Variants in CTNND1 observed in about 807,000 individuals in gnomAD.
CTNND1 encodes catenin delta 1, also known as catenin delta-1.
Under a neutral mutation model 112.1 loss-of-function variants are expected in CTNND1, and 16 were observed. That is an observed-to-expected ratio of 0.14 (90% CI 0.10 to 0.22). The LOEUF (loss-of-function observed/expected upper bound fraction) is 0.22, where lower values mean the gene tolerates loss of function less well. CTNND1 is among the 10% of genes least tolerant of loss of function. CTNND1 has a pLI of 1.00. For synonymous variants in CTNND1, 420 were observed against 446.5 expected, an observed-to-expected ratio of 0.94 and a Z score of 0.75; for missense variants, 1,008 against 1,257.0, an observed-to-expected ratio of 0.80 and a Z score of 3.00.
intron 1 of CTNND1, among the ~76,000 whole-genome samples, chr11:57,778,979 T>G: frequency 6.6e-6 from 1 of 152,204 alleles, no homozygotes; most frequent in African/African-American, 2.4e-5. Flanking sequence ...GCACTTAAGT[T>G]ATATAAATGG....
chr11:57,807,866 T>G (rs1292580485), intron 12 of CTNND1, among the ~76,000 whole-genome samples: 2 of 152,112 alleles, frequency 1.3e-5, no homozygotes, highest in Non-Finnish European at 2.9e-5. Flanking sequence ...ATGGAGCCCC[T>G]GAGCGCTCAT....
intron 1 of CTNND1, among the ~76,000 whole-genome samples, chr11:57,767,308 G>C (rs187208926): frequency 6.6e-6 from 1 of 152,114 alleles, no homozygotes; most frequent in East Asian, 1.9e-4. Context: ...TAGGTAATTT[G>C]GTCATGACTT....
chr11:57,806,995 T>C lies in CTNND1; in HGVS notation c.1963+12T>C. On this transcript the variant is annotated intron_variant, in intron 12 of 20. Coordinates refer to ENST00000399050, the MANE Select transcript of CTNND1 (RefSeq NM_001085458.2). Reference sequence around the variant, plus strand: ...GAGTCCAGCTCGAGGTAAGTTATCTTCTCAGTCTCCAAAGGTCTCATAAAC... The same window carrying C: ...GAGTCCAGCTCGAGGTAAGTTATCTCCTCAGTCTCCAAAGGTCTCATAAAC... The C allele has an allele frequency of 6.3e-7, 1 of 1,583,914 alleles. No homozygotes were observed. The highest frequency in any genetic ancestry group is 1.2e-5 in the South Asian group (1 of 86,856).
At chr11:57,802,974 G>C (rs2137155936) in intron 7 of CTNND1, among the ~76,000 whole-genome samples, 1 of 152,286 alleles carries the variant, frequency 6.6e-6, no homozygotes, top group East Asian at 1.9e-4. Context: ...TAAAGGCCAG[G>C]GGTACTGGTA....
intron 2 of CTNND1, among the ~76,000 whole-genome samples, 197 bp downstream of exon 2, chr11:57,789,352 TA>T (rs550200304): frequency 6.6e-6 from 1 of 152,336 alleles, no homozygotes; most frequent in Non-Finnish European, 1.5e-5. Context: ...TGGACTGGCA[TA>T]AAGTCTTTCA....
rs534523814 is a variant in CTNND1, at chr11:57,771,141, T to C, written c.-214+9022T>C. 2.2e-4 allele frequency among the ~76,000 whole-genome samples: 33 copies of C among 152,270 alleles called. 1 individual carries two copies. Among genetic ancestry groups the C allele is most frequent in the African/African-American group, 7.5e-4 (31 of 41,540 alleles). On this transcript the variant is annotated intron_variant, in intron 1 of 20. Coordinates refer to ENST00000399050, the MANE Select transcript of CTNND1 (RefSeq NM_001085458.2). ...TAGAAAAAGAAAAGAAAGTTGTTTTTTTTTTCTAAAATTTAACTTTTTGTA... is the reference window on the plus strand; with the variant it reads ...TAGAAAAAGAAAAGAAAGTTGTTTTCTTTTTCTAAAATTTAACTTTTTGTA...
In CTNND1 at chr11:57,810,104, C is replaced by T; in HGVS notation, c.2436-5C>T. ...AATTCCGTATGGTGTTACTTTCCTC[C>T]AAAGGAACCGCTCAGAAAAAGAAGT... On this transcript the variant is annotated splice_region_variant and splice_polypyrimidine_tract_variant and intron_variant, in intron 15 of 20. Transcript: ENST00000399050. 6.2e-7 allele frequency: 1 copy of T among 1,603,698 alleles called. No homozygotes were observed. Among genetic ancestry groups the T allele is most frequent in the Non-Finnish European group, 8.5e-7 (1 of 1,175,980 alleles).
intron 4 of CTNND1, among the ~76,000 whole-genome samples, chr11:57,794,904 GTTCT>G (rs2061198056): frequency 1.4e-5 from 2 of 147,832 alleles, no homozygotes; most frequent in Non-Finnish European, 3.0e-5. Context: ...AAAAAACAAA[GTTCT>G]TTATTTTGGC....
chr11:57,766,998 G>A (rs1259180670), intron 1 of CTNND1, among the ~76,000 whole-genome samples: 1 of 150,386 alleles, frequency 6.6e-6, no homozygotes, highest in Non-Finnish European at 1.5e-5. Flanking sequence ...TTGAGATGGA[G>A]TCTTGCTCTG....
intron 1 of CTNND1, among the ~76,000 whole-genome samples, chr11:57,771,979 G>T (rs1351722522): frequency 1.3e-5 from 2 of 150,722 alleles, no homozygotes; most frequent in Non-Finnish European, 3.0e-5. Context: ...TCTCGGCAGT[G>T]TTAACAATCT....
chr11:57,764,781 T>C (rs1209595582), intron 1 of CTNND1, among the ~76,000 whole-genome samples: 1 of 152,140 alleles, frequency 6.6e-6, no homozygotes, highest in East Asian at 1.9e-4. Context: ...ACCACTAATA[T>C]ACTGCCATTC....
chr11:57,767,803 A>G (rs1025062016), intron 1 of CTNND1, among the ~76,000 whole-genome samples: 1 of 151,552 alleles, frequency 6.6e-6, no homozygotes, highest in African/African-American at 2.4e-5. Context: ...AAAGAACTCA[A>G]ATTTCGTTTG....
In CTNND1 at chr11:57,817,480, C is replaced by T. The variant is rs551858779; in HGVS notation, c.*1172C>T. 1 of 152,744 alleles carries T rather than the reference C, an allele frequency of 6.5e-6. No homozygotes were observed. Among genetic ancestry groups the T allele is most frequent in the Non-Finnish European group, 1.5e-5 (1 of 68,050 alleles). The allele number at this position is 152,744 out of a possible 1,614,324, so 9.5% of individuals were successfully genotyped here. A position where few individuals can be genotyped will look rare whatever the true frequency, so the allele number is the denominator to read the frequency against. ...TAATTTTGCAAATTATATTTTGTTG[C>T]TTTCTTACCTACTATTGGCCCTAAA... On this transcript the variant is annotated 3_prime_UTR_variant, in exon 21 of 21. Transcript: ENST00000399050.
At chr11:57,771,709 G>A (rs150698163) in intron 1 of CTNND1, among the ~76,000 whole-genome samples, 25 of 152,248 alleles carry the variant, frequency 1.6e-4, no homozygotes, top group Admixed American at 3.3e-4. Flanking sequence ...CAGAGACAAC[G>A]GCTGTTACCG....
At chr11:57,793,740 A>C (rs1014170824) in intron 3 of CTNND1, among the ~76,000 whole-genome samples, 2 of 152,154 alleles carry the variant, frequency 1.3e-5, no homozygotes, top group African/African-American at 4.8e-5. Context: ...ACTAAACTAA[A>C]CTTATCCCAA....
At chr11:57,779,333 A>T (rs528315652) in intron 1 of CTNND1, among the ~76,000 whole-genome samples, 53 of 152,324 alleles carry the variant, frequency 3.5e-4, no homozygotes, top group Middle Eastern at 3.4e-3. Context: ...TTTCTTCCCT[A>T]TGTCTAGACT....
rs775580568 is a variant in CTNND1 at position 57,801,877 on chromosome 11, G to A, written c.1101G>A (p.Glu367=). 1.4e-5 allele frequency: 23 copies of A among 1,614,068 alleles called. No individual in the cohort carries two copies. In the South Asian group the frequency reaches 2.3e-4, roughly 16 times the overall value. Residue 367 remains glutamate (E), a synonymous_variant, in exon 7 of 21, where the codon GAG becomes GAA. Coordinates refer to ENST00000399050, the MANE Select transcript of CTNND1 (RefSeq NM_001085458.2). ...GPPPPNWRQP[E]LPEVIAMLGF... ...CACCTCCTAATTGGAGACAGCCAGA[G>A]CTGCCAGAGGTGATCGCCATGCTTG...
chr11:57,811,603 AT>A, intron 17 of CTNND1, 117 bp downstream of exon 17: 1 of 700,006 alleles, frequency 1.4e-6, no homozygotes, highest in Non-Finnish European at 2.4e-6. Flanking sequence ...TGGGAGGGGA[AT>A]AATTTTCCAC....
intron 10 of CTNND1, 148 bp downstream of exon 10, chr11:57,806,183 G>A: frequency 8.7e-7 from 1 of 1,153,852 alleles, no homozygotes; most frequent in Admixed American, 2.8e-5. Context: ...CCTGTGTTGT[G>A]TGCTTCATTC....
Sources: allele counts gnomAD v4.1 joint callset (sites outside exome capture counted in the v4.1 genomes callset), GRCh38; gene constraint gnomAD v4.1.1; transcripts MANE v1.5; gene names NCBI Gene and HGNC (gene_info 2026-07-23, HGNC 2026-07-21).